Variants in MAP3K9 observed in about 807,000 individuals in gnomAD.
The protein encoded by MAP3K9 is mixed lineage kinase 1 (tyr and ser/thr specificity).
MAP3K9 carries 46 observed loss-of-function variants against 95.8 expected under a neutral mutation model. That is an observed-to-expected ratio of 0.48 (90% CI 0.38 to 0.61). The LOEUF (loss-of-function observed/expected upper bound fraction) is 0.61, where lower values mean the gene tolerates loss of function less well. Among genes scored for constraint, MAP3K9 ranks in the 20% least tolerant of loss-of-function variants. The pLI is 0.00. For missense variants in MAP3K9, 1,296 were observed against 1,474.3 expected (o/e 0.88, Z 1.98); for synonymous variants, 533 against 593.8 (o/e 0.90, Z 1.49).
intron 8 of MAP3K9, among the ~76,000 whole-genome samples, chr14:70,737,391 G>A (rs1265446374): frequency 6.6e-6 from 1 of 152,150 alleles, no homozygotes; most frequent in Non-Finnish European, 1.5e-5. Flanking sequence ...GTGGTGCCAG[G>A]GTTCATGCCC....
rs1170889339 is a variant in MAP3K9, at chr14:70,723,162, C to G, written c.*7218G>C. On this transcript the variant is annotated 3_prime_UTR_variant, in exon 12 of 12. Coordinates refer to ENST00000554752, the MANE Select transcript of MAP3K9 (RefSeq NM_001284230.2). Reference sequence around the variant, plus strand: ...CTCAATGTGACAAAAAGGCAAAAGCCTGACCTCAAGTGCCCAGGGAGGAGA... The same window carrying G: ...CTCAATGTGACAAAAAGGCAAAAGCGTGACCTCAAGTGCCCAGGGAGGAGA... 1 of 152,168 alleles carries G rather than the reference C, an allele frequency of 6.6e-6. No individual in the cohort carries two copies. Among genetic ancestry groups the G allele is most frequent in the Non-Finnish European group, 1.5e-5 (1 of 68,050 alleles). 9.4% of individuals were successfully genotyped at this position (152,168 alleles called of 1,614,324 possible).
At position 70,790,404 on chromosome 14, in the gene MAP3K9, C is replaced by T. The variant is rs539201543; in HGVS notation, c.820+10263G>A. Reference sequence around the variant, plus strand: ...GTCCTGGGCAGGACCTCAGAGACCACCTGTCCAAACCCCTCATTTTGCAGA... The same window carrying T: ...GTCCTGGGCAGGACCTCAGAGACCATCTGTCCAAACCCCTCATTTTGCAGA... On this transcript the variant is annotated intron_variant, in intron 2 of 11. Coordinates refer to ENST00000554752, the MANE Select transcript of MAP3K9 (RefSeq NM_001284230.2). 2.0e-5 allele frequency among the ~76,000 whole-genome samples: 3 copies of T among 152,312 alleles called. No homozygotes were observed. In the South Asian group the frequency reaches 6.2e-4, roughly 32 times the overall value.
intron 2 of MAP3K9, among the ~76,000 whole-genome samples, chr14:70,793,263 G>A (rs1344105742): frequency 6.6e-6 from 1 of 152,224 alleles, no homozygotes; most frequent in African/African-American, 2.4e-5. Context: ...AAGAGGGGAG[G>A]AGGCAGAGGC....
At position 70,730,402 on chromosome 14, in the gene MAP3K9, A is replaced by G. The variant is rs750637587; in HGVS notation, c.3293T>C (p.Ile1098Thr). ...LNTHRPAPYE[I>T]QQEFWS ...GTGCTAAGACCAGAACTCCTGCTGG[A>G]TCTCATAAGGGGCAGGCCTGTGTGT... is the stretch of plus-strand genomic sequence containing the variant. Residue 1098 changes from isoleucine to threonine, a missense_variant, in exon 12 of 12, where the codon ATC (isoleucine) becomes ACC (threonine). This residue lies in a region of MAP3K9 where 433 missense variants were observed against 441.4 expected (regional missense o/e 0.98). Transcript: ENST00000554752. The G allele has an allele frequency of 6.2e-7, 1 of 1,607,412 alleles. No homozygotes were observed. Among genetic ancestry groups the G allele is most frequent in the Non-Finnish European group, 8.5e-7 (1 of 1,174,624 alleles).
chr14:70,806,640 T>C (rs2054992882), intron 1 of MAP3K9, among the ~76,000 whole-genome samples: 2 of 152,354 alleles, frequency 1.3e-5, no homozygotes, highest in South Asian at 4.1e-4. Flanking sequence ...AATGAAAAAG[T>C]AGCACGCTGT....
rs367846342 is a variant in MAP3K9, at chr14:70,794,912, C to T, written c.820+5755G>A. Among the ~76,000 whole-genome samples the T allele has an allele frequency of 7.3e-5, 11 of 150,880 alleles. No homozygotes were observed. In the East Asian group the frequency reaches 7.8e-4, roughly 11 times the overall value. On this transcript the variant is annotated intron_variant, in intron 2 of 11. Transcript: ENST00000554752. ...CAGGATGGTCTCGATCTCCTGACCT[C>T]GTGATCCACCTGTCTCGGCCTCCCA... is the stretch of plus-strand genomic sequence containing the variant.
At chr14:70,772,522 T>C (rs965199761) in intron 2 of MAP3K9, among the ~76,000 whole-genome samples, 9 of 152,178 alleles carry the variant, frequency 5.9e-5, no homozygotes, top group African/African-American at 2.2e-4. Context: ...AATTAACAAA[T>C]GAATGCAAAT....
intron 5 of MAP3K9, 35 bp from the exon 6 acceptor site, chr14:70,742,626 G>A (rs1373953611): frequency 1.2e-6 from 2 of 1,606,180 alleles, no homozygotes; most frequent in Admixed American, 3.3e-5. Context: ...AGAAAAGACT[G>A]GGGTGCTCAG....
rs2054748326 is a variant in MAP3K9, at chr14:70,786,620, G to A, written c.820+14047C>T. 2.6e-5 allele frequency among the ~76,000 whole-genome samples: 4 copies of A among 152,166 alleles called. No homozygotes were observed. In the South Asian group the frequency reaches 8.3e-4, roughly 31 times the overall value. On this transcript the variant is annotated intron_variant, in intron 2 of 11. Coordinates refer to ENST00000554752, the MANE Select transcript of MAP3K9 (RefSeq NM_001284230.2). ...ATGGGGTACAGATCCTGTTTCCACT[G>A]TTGTCTGAAATACTTTGGTCCTAGC...
chr14:70,801,061 C>G lies in MAP3K9; in HGVS notation c.426G>C (p.Ala142=). 6.2e-7 allele frequency: 1 copy of G among 1,607,696 alleles called. No individual in the cohort carries two copies. Among genetic ancestry groups the G allele is most frequent in the Admixed American group, 1.7e-5 (1 of 59,580 alleles). Residue 142 remains alanine (A), a synonymous_variant, in exon 2 of 12, where the codon GCG becomes GCC. Coordinates refer to ENST00000554752, the MANE Select transcript of MAP3K9 (RefSeq NM_001284230.2). ...CAATAATCTCTTCCAAGGTGAGCTC[C>G]GCAAAATCAATTTCTAACACTGAGA... The part of the protein sequence containing the change: ...PPIQLLEIDF[A]ELTLEEIIGI...
chr14:70,753,265 C>A (rs2054254213), intron 3 of MAP3K9, among the ~76,000 whole-genome samples: 1 of 152,146 alleles, frequency 6.6e-6, no homozygotes, highest in African/African-American at 2.4e-5. Flanking sequence ...TCCAAAAGGG[C>A]CTGAAATGAG....
intron 2 of MAP3K9, among the ~76,000 whole-genome samples, chr14:70,798,988 A>C (rs1264405738): frequency 6.6e-6 from 1 of 152,226 alleles, no homozygotes; most frequent in African/African-American, 2.4e-5. Context: ...TTAAGGGGGA[A>C]AAGAACACAG....
At chr14:70,775,015 A>AAAAAAAAAAAAAAAAAAAAAAAAAT (rs1491262010) in intron 2 of MAP3K9, among the ~76,000 whole-genome samples, 1 of 126,192 alleles carries the variant, frequency 7.9e-6, no homozygotes, top group African/African-American at 3.0e-5. Flanking sequence ...AAAAAAAAAA[A>AAAAAAAAAAAAAAAAAAAAAAAAAT]GATATAATAG....
intron 2 of MAP3K9, among the ~76,000 whole-genome samples, chr14:70,794,473 C>G (rs1185498903): frequency 6.6e-6 from 1 of 152,090 alleles, no homozygotes; most frequent in Non-Finnish European, 1.5e-5. Flanking sequence ...CCCCAGCTGT[C>G]CAACAGGAGT....
chr14:70,796,990 T>C (rs766341900), intron 2 of MAP3K9, among the ~76,000 whole-genome samples: 1 of 152,194 alleles, frequency 6.6e-6, no homozygotes, highest in Non-Finnish European at 1.5e-5. Context: ...TGTATCAACA[T>C]AGGATACTAT....
intron 5 of MAP3K9, among the ~76,000 whole-genome samples, chr14:70,743,722 T>A (rs1301869241): frequency 6.6e-6 from 1 of 152,152 alleles, no homozygotes; most frequent in Non-Finnish European, 1.5e-5. Context: ...CTGGAGAGGA[T>A]GTGGAGAAAC....
At chr14:70,760,860 G>T in intron 3 of MAP3K9, 142 bp downstream of exon 3, 1 of 798,340 alleles carries the variant, frequency 1.3e-6, no homozygotes, top group Non-Finnish European at 2.0e-6. Flanking sequence ...ATGGGAATTG[G>T]CATAGATGAC....
At chr14:70,785,991 T>C (rs1442262326) in intron 2 of MAP3K9, among the ~76,000 whole-genome samples, 1 of 152,106 alleles carries the variant, frequency 6.6e-6, no homozygotes, top group East Asian at 1.9e-4. Context: ...TCTAGGACTA[T>C]TTGGGGGATG....
chr14:70,772,742 T>C (rs1438146332), intron 2 of MAP3K9, among the ~76,000 whole-genome samples: 1 of 152,232 alleles, frequency 6.6e-6, no homozygotes, highest in Non-Finnish European at 1.5e-5. Context: ...CCACAACTAA[T>C]GTTTATGGAG....
Sources: gnomAD v4.1 joint callset for allele counts (sites outside exome capture counted in the v4.1 genomes callset) on GRCh38, gnomAD v4.1.1 for gene constraint, gnomAD v4.1.1 regional missense constraint, MANE v1.5 for transcripts, NCBI Gene and HGNC (gene_info 2026-07-23, HGNC 2026-07-21) for gene names.